BRCA1: variants seen among roughly 807,000 people sequenced by gnomAD.
BRCA1 encodes BRCA1 DNA repair associated, also known as breast cancer type 1 susceptibility protein.
In BRCA1, 140 loss-of-function variants were observed where a neutral mutation model predicts 173.7. That is an observed-to-expected ratio of 0.81 (90% CI 0.70 to 0.93). The LOEUF (loss-of-function observed/expected upper bound fraction) is 0.93. BRCA1 is among the 40% of genes least tolerant of loss of function. The pLI is 0.00. For missense variants in BRCA1, 1,983 were observed against 2,172.5 expected (o/e 0.91, Z 1.73); for synonymous variants, 662 against 756.0 (o/e 0.88, Z 2.04).
At chr17:43,140,035 C>T (rs1206837031) in intron 1 of BRCA1, 2 of 416,658 alleles carry the variant, frequency 4.8e-6, no homozygotes, top group East Asian at 1.4e-4. Context: ...GACTGGTCAC[C>T]AAAAATACCT....
intron 2 of BRCA1, among the ~76,000 whole-genome samples, chr17:43,117,056 T>C (rs564682165): frequency 6.6e-6 from 1 of 152,330 alleles, no homozygotes; most frequent in East Asian, 1.9e-4. Context: ...TGTGTACTCT[T>C]ATTAGATCAC....
At chr17:43,095,606 A>AC (rs999879356) in intron 9 of BRCA1, among the ~76,000 whole-genome samples, 54 of 152,072 alleles carry the variant, frequency 3.6e-4, no homozygotes, top group Non-Finnish European at 6.6e-4. Flanking sequence ...AAACAAACAA[A>AC]AAAAAAAACG....
chr17:43,071,628 T>C (rs1177910881), intron 14 of BRCA1, among the ~76,000 whole-genome samples: 1 of 152,178 alleles, frequency 6.6e-6, no homozygotes, highest in Non-Finnish European at 1.5e-5. Context: ...AATATAAATG[T>C]TGATGTACAA....
Position 43,082,024 on chromosome 17 carries a change from T to C in BRCA1, c.4357+380A>G, listed in dbSNP as rs8176185. On this transcript the variant is annotated intron_variant, in intron 12 of 22. Transcript: ENST00000357654. ...AAGCACATTAAATAGGTCTTTGTGA[T>C]GTGACACCAGTGTTATAAGGAATAT... 4.4e-3 allele frequency among the ~76,000 whole-genome samples: 671 copies of C among 152,348 alleles called. 6 individuals are homozygous for C. The highest frequency in any genetic ancestry group is 0.015 in the African/African-American group (619 of 41,588).
chr17:43,140,101 G>T, intron 1 of BRCA1: 1 of 349,104 alleles, frequency 2.9e-6, no homozygotes, highest in South Asian at 2.2e-5. Context: ...CTGGGGTGGG[G>T]AGCAGAGCTG....
rs528170710 is a variant in BRCA1 at position 43,123,988 on chromosome 17, C to A, written c.80+29G>T. The A allele has an allele frequency of 1.9e-6, 3 of 1,557,818 alleles. No individual in the cohort carries two copies. In the Admixed American group the frequency reaches 5.0e-5, roughly 26 times the overall value. On this transcript the variant is annotated intron_variant, in intron 2 of 22. Transcript: ENST00000357654. Reference sequence around the variant, plus strand: ...GCATAGGAGATAATCATAGGAATCCCAAATTAATACACTCTTGTGCTGACT... The same window carrying A: ...GCATAGGAGATAATCATAGGAATCCAAAATTAATACACTCTTGTGCTGACT...
intron 11 of BRCA1, 54 bp from the exon 12 acceptor site, chr17:43,082,629 A>G: frequency 6.3e-7 from 1 of 1,576,012 alleles, no homozygotes; most frequent in Non-Finnish European, 8.7e-7. Flanking sequence ...GAAGCTTTCC[A>G]TTAAATGAAA....
At chr17:43,145,062 C>T (rs1270809646) in intron 1 of BRCA1, 11 of 807,400 alleles carry the variant, frequency 1.4e-5, no homozygotes, top group South Asian at 7.9e-5. Flanking sequence ...GAAGCGAAGC[C>T]GAAAAAGGCA....
intron 1 of BRCA1, among the ~76,000 whole-genome samples, chr17:43,136,642 C>T (rs1363679787): frequency 6.6e-6 from 1 of 152,186 alleles, no homozygotes; most frequent in Non-Finnish European, 1.5e-5. Flanking sequence ...GCAGACACTT[C>T]TCAAAAGAAG....
chr17:43,104,992 G>A (rs2054701925), intron 4 of BRCA1, 36 bp from the exon 5 acceptor site: 2 of 1,531,510 alleles, frequency 1.3e-6, no homozygotes, highest in Non-Finnish European at 1.8e-6. Flanking sequence ...CACTCAGCAA[G>A]TGATTATCAA....
At chr17:43,077,196 T>C (rs1172190799) in intron 12 of BRCA1, among the ~76,000 whole-genome samples, 1 of 152,092 alleles carries the variant, frequency 6.6e-6, no homozygotes, top group Admixed American at 6.6e-5. Context: ...ATAAACCCCC[T>C]AAACCAACAC....
chr17:43,092,905 C>A lies in BRCA1; in HGVS notation c.2626G>T (p.Gly876Ter), dbSNP rs1567794885. ...RQSFAPFSNPGNAEEECATFS... is the reference protein window; with the variant it reads ...RQSFAPFSNP ...GTTGCACATTCCTCTTCTGCATTTC[C>A]TGGATTTGAAAACGGAGCAAATGAC... is the stretch of plus-strand genomic sequence containing the variant. The change falls in exon 10 of 23, where the codon GGA (glycine) becomes TGA (stop). Residue 876 changes from glycine (G) to a stop codon, truncating the protein, a stop_gained. Transcript: ENST00000357654. LOFTEE classifies it high-confidence loss of function. 6.2e-7 allele frequency: 1 copy of A among 1,613,872 alleles called. No individual in the cohort carries two copies. The highest frequency in any genetic ancestry group is 8.5e-7 in the Non-Finnish European group (1 of 1,179,998).
In BRCA1 at chr17:43,094,340, GT is replaced by G. The variant is rs748714307; in HGVS notation, c.1190del (p.Asp397AlafsTer13). The G allele has an allele frequency of 6.2e-7, 1 of 1,614,086 alleles. No homozygotes were observed. Among genetic ancestry groups the G allele is most frequent in the South Asian group, 1.1e-5 (1 of 91,080 alleles). On this transcript the variant is annotated frameshift_variant, in exon 10 of 23. Transcript: ENST00000357654. LOFTEE classifies it high-confidence loss of function. ...TTGATTCAGACTCCCCATCATGTGA[GT>G]CATCAGAACCTAACAGTTCATCACT... ...SRSDELLGSD[D>X]SHDGESESNA...
chr17:43,170,163 C>T, exon 1 of BRCA1: 1 of 211,362 alleles, frequency 4.7e-6, no homozygotes, highest in South Asian at 5.5e-5. Flanking sequence ...GCGGCCTTAG[C>T]TTCCTCGGAA....
At position 43,139,837 on chromosome 17, in the gene BRCA1, A is replaced by G. The variant is rs1407633850; in HGVS notation, c.-19-15722T>C. On this transcript the variant is annotated intron_variant, in intron 1 of 7. Transcript: ENST00000634433. ...TTAGTTTGCTGAGGATAATGGCCTC[A>G]AGATCCATCTGTGTTCCTACAAAAG... is the stretch of plus-strand genomic sequence containing the variant. 1.1e-5 allele frequency: 5 copies of G among 465,944 alleles called. No homozygotes were observed. In the Admixed American group the frequency reaches 1.2e-4, roughly 11 times the overall value. 28.9% of individuals were successfully genotyped at this position (465,944 alleles called of 1,614,324 possible).
chr17:43,164,386 A>C (rs2056254395), intron 1 of BRCA1: 1 of 152,186 alleles, frequency 6.6e-6, no homozygotes, highest in Non-Finnish European at 1.5e-5. Context: ...CAGTCTGAGG[A>C]GAGTCAGGAG....
Position 43,070,915 on chromosome 17 carries a change from T to A in BRCA1, c.4986+13A>T. 6.2e-7 allele frequency: 1 copy of A among 1,613,864 alleles called. No homozygotes were observed. The highest frequency in any genetic ancestry group is 1.1e-5 in the South Asian group (1 of 91,078). ...GTCTTAGTCATTAGGGAGATACATATGGATACACTCACAAATTCTTCTGGG... is the reference window on the plus strand; with the variant it reads ...GTCTTAGTCATTAGGGAGATACATAAGGATACACTCACAAATTCTTCTGGG... On this transcript the variant is annotated intron_variant, in intron 15 of 22. Coordinates refer to ENST00000357654, the MANE Select transcript of BRCA1 (RefSeq NM_007294.4).
At position 43,102,357 on chromosome 17, in the gene BRCA1, C is replaced by CTTT. The variant is rs35584960; in HGVS notation, c.441+1762_441+1764dup. On this transcript the variant is annotated intron_variant, in intron 6 of 22. Coordinates refer to ENST00000357654, the MANE Select transcript of BRCA1 (RefSeq NM_007294.4). ...AAGTGCTGGGATTACAGGCGTGAAGCTTTTTTTTTTTTTTTTTTGAGACGG... is the reference window on the plus strand; with the variant it reads ...AAGTGCTGGGATTACAGGCGTGAAGCTTTTTTTTTTTTTTTTTTTTTGAGACGG... Among the ~76,000 whole-genome samples the CTTT allele has an allele frequency of 6.5e-4, 61 of 93,192 alleles. 1 individual carries two copies. Among genetic ancestry groups the CTTT allele is most frequent in the African/African-American group, 2.4e-3 (54 of 22,870 alleles). 61.1% of individuals were successfully genotyped at this position (93,192 alleles called of 152,430 possible).
chr17:43,140,142 C>T, intron 1 of BRCA1: 1 of 318,786 alleles, frequency 3.1e-6, no homozygotes, highest in South Asian at 2.5e-5. Context: ...GACAAAGCCT[C>T]CAGAAAAATC....
Sources: allele counts gnomAD v4.1 joint callset (sites outside exome capture counted in the v4.1 genomes callset), GRCh38; gene constraint gnomAD v4.1.1; transcripts MANE v1.5; gene names NCBI Gene and HGNC (gene_info 2026-07-23, HGNC 2026-07-21).